The following LSAMP variants were observed in gnomAD, a reference collection of about 807,000 sequenced individuals.
The protein encoded by LSAMP is limbic system associated membrane protein.
A neutral mutation model predicts 38.6 loss-of-function variants in LSAMP; 7 were observed. The ratio of observed to expected loss-of-function variants is 0.18; its 90% CI spans 0.10 to 0.34. The LOEUF (loss-of-function observed/expected upper bound fraction) is 0.34, where lower values mean the gene tolerates loss of function less well. Among genes scored for constraint, LSAMP ranks in the 10% least tolerant of loss-of-function variants. The pLI is 1.00. For missense variants in LSAMP, 313 were observed against 420.0 expected (o/e 0.75, Z 2.23); for synonymous variants, 154 against 166.8 (o/e 0.92, Z 0.59).
chr3:115,991,818 G>A (rs1439401245), intron 3 of LSAMP, among the ~76,000 whole-genome samples: 1 of 152,088 alleles, frequency 6.6e-6, no homozygotes, highest in African/African-American at 2.4e-5. Flanking sequence ...CTGCACTGCA[G>A]GTTGCTAAAT....
At chr3:116,325,047 G>T (rs2047751732) in intron 1 of LSAMP, among the ~76,000 whole-genome samples, 1 of 151,318 alleles carries the variant, frequency 6.6e-6, no homozygotes, top group South Asian at 2.1e-4. Flanking sequence ...ATATCTAGAA[G>T]ATCTGAATCC....
At chr3:116,169,712 T>G (rs1325566279) in intron 1 of LSAMP, among the ~76,000 whole-genome samples, 2 of 152,244 alleles carry the variant, frequency 1.3e-5, no homozygotes, top group African/African-American at 4.8e-5. Context: ...GACAACCTTA[T>G]TTTCTTAAAT....
chr3:116,211,637 C>T (rs935818460), intron 1 of LSAMP, among the ~76,000 whole-genome samples: 1 of 152,184 alleles, frequency 6.6e-6, no homozygotes, highest in African/African-American at 2.4e-5. Flanking sequence ...AGATCCATTA[C>T]TTACAGCTTA....
chr3:116,274,066 AGAG>A (rs34125272), intron 1 of LSAMP, among the ~76,000 whole-genome samples: 30,668 of 151,714 alleles, frequency 0.2, 3,375 homozygotes, highest in African/African-American at 0.26. Flanking sequence ...AAATTATTTC[AGAG>A]GAGTTTTCTG....
chr3:116,242,108 C>G (rs1269885634), intron 1 of LSAMP, among the ~76,000 whole-genome samples: 1 of 152,192 alleles, frequency 6.6e-6, no homozygotes, highest in Admixed American at 6.5e-5. Context: ...TAGCTTCTAT[C>G]TCTGTGGAAC....
chr3:116,290,773 T>TAATAAA (rs1397690470), intron 1 of LSAMP, among the ~76,000 whole-genome samples: 92 of 142,538 alleles, frequency 6.5e-4, no homozygotes, highest in Admixed American at 4.6e-3. Flanking sequence ...ATAATAATAA[T>TAATAAA]AAAATAAACT....
At chr3:116,125,898 T>C (rs1708997875) in intron 1 of LSAMP, among the ~76,000 whole-genome samples, 1 of 152,214 alleles carries the variant, frequency 6.6e-6, no homozygotes, top group South Asian at 2.1e-4. Context: ...GGCTCATTGC[T>C]CTTTCATGGT....
chr3:115,891,342 G>A (rs1386002973), intron 3 of LSAMP, among the ~76,000 whole-genome samples: 1 of 151,962 alleles, frequency 6.6e-6, no homozygotes, highest in Non-Finnish European at 1.5e-5. Flanking sequence ...ATGCACACTG[G>A]AGCTTGTTCT....
At chr3:116,083,689 T>C (rs1707920591) in intron 2 of LSAMP, among the ~76,000 whole-genome samples, 1 of 152,102 alleles carries the variant, frequency 6.6e-6, no homozygotes, top group African/African-American at 2.4e-5. Context: ...ATCAAAAGTG[T>C]CTTAGAGTCT....
At chr3:116,037,589 TAGG>T (rs1941074632) in intron 2 of LSAMP, among the ~76,000 whole-genome samples, 1 of 152,116 alleles carries the variant, frequency 6.6e-6, no homozygotes, top group Admixed American at 6.6e-5. Context: ...CTAAATCATT[TAGG>T]GAAAGTATAT....
chr3:116,199,620 A>G (rs2045962611), intron 1 of LSAMP, among the ~76,000 whole-genome samples: 1 of 152,210 alleles, frequency 6.6e-6, no homozygotes, highest in Non-Finnish European at 1.5e-5. Context: ...ATTATCAGGC[A>G]AATGTGTAGG....
At chr3:116,166,776 GTTT>G (rs1231142461) in intron 1 of LSAMP, among the ~76,000 whole-genome samples, 1 of 129,586 alleles carries the variant, frequency 7.7e-6, no homozygotes, top group Non-Finnish European at 1.7e-5. Context: ...AAAATTTTTA[GTTT>G]TTTTTTTGTT....
chr3:115,946,962 AG>A (rs1938118137), intron 3 of LSAMP, among the ~76,000 whole-genome samples: 1 of 152,018 alleles, frequency 6.6e-6, no homozygotes, highest in African/African-American at 2.4e-5. Flanking sequence ...AAACCAAGTT[AG>A]ATTCTTTCCT....
At chr3:116,293,406 C>CT (rs35842496) in intron 1 of LSAMP, among the ~76,000 whole-genome samples, 1 of 151,840 alleles carries the variant, frequency 6.6e-6, no homozygotes, top group Non-Finnish European at 1.5e-5. Flanking sequence ...TCATTAAATA[C>CT]TTTTTTTTAA....
At chr3:115,855,332 A>G (rs79014202) in intron 3 of LSAMP, among the ~76,000 whole-genome samples, 2,072 of 152,332 alleles carry the variant, frequency 0.014, 39 homozygotes, top group African/African-American at 0.048. Context: ...ATTCTTACAT[A>G]CCAATATAAG....
chr3:116,204,012 C>A (rs1485279011), intron 1 of LSAMP, among the ~76,000 whole-genome samples: 2 of 151,806 alleles, frequency 1.3e-5, no homozygotes, highest in East Asian at 1.9e-4. Flanking sequence ...TTTACAGTCC[C>A]ACCAACAGTG....
intron 3 of LSAMP, among the ~76,000 whole-genome samples, chr3:115,940,826 A>T (rs1223583800): frequency 6.6e-6 from 1 of 152,136 alleles, no homozygotes; most frequent in Non-Finnish European, 1.5e-5. Context: ...AATATTTTTG[A>T]TTACTATAGC....
intron 3 of LSAMP, among the ~76,000 whole-genome samples, chr3:115,966,010 T>C (rs780592643): frequency 3.9e-4 from 60 of 152,218 alleles, no homozygotes; most frequent in Non-Finnish European, 7.3e-5. Flanking sequence ...GATTTCTCTA[T>C]TGTTAGCTGG....
At chr3:116,008,124 A>G (rs955531645) in intron 3 of LSAMP, among the ~76,000 whole-genome samples, 1 of 152,218 alleles carries the variant, frequency 6.6e-6, no homozygotes, top group Non-Finnish European at 1.5e-5. Context: ...TGTGGAACTT[A>G]ATAACAACAA....
Sources: gnomAD v4.1 joint callset for allele counts (sites outside exome capture counted in the v4.1 genomes callset) on GRCh38, gnomAD v4.1.1 for gene constraint, MANE v1.5 for transcripts, NCBI Gene and HGNC (gene_info 2026-07-23, HGNC 2026-07-21) for gene names.